HDAC9: variants seen among roughly 807,000 people sequenced by gnomAD.
HDAC9 encodes the protein MEF-2 interacting transcription repressor (MITR) protein.
Under a neutral mutation model 139.4 loss-of-function variants are expected in HDAC9, and 41 were observed. The ratio of observed to expected loss-of-function variants is 0.29; its 90% CI spans 0.23 to 0.38. HDAC9 has a LOEUF of 0.38. HDAC9 is among the 10% of genes least tolerant of loss of function. HDAC9 has a pLI of 1.00. For missense variants in HDAC9, 1,147 were observed against 1,297.0 expected (o/e 0.88, Z 1.78); for synonymous variants, 517 against 476.2 (o/e 1.09, Z -1.12).
intron 13 of HDAC9, among the ~76,000 whole-genome samples, chr7:18,743,373 A>G (rs1475461056): frequency 6.6e-6 from 1 of 152,224 alleles, no homozygotes; most frequent in Non-Finnish European, 1.5e-5. Context: ...GACAAACACA[A>G]AGCTGTAAGG....
chr7:18,519,321 CTA>C (rs952260312), intron 2 of HDAC9, among the ~76,000 whole-genome samples: 8 of 152,242 alleles, frequency 5.3e-5, no homozygotes, highest in African/African-American at 1.9e-4. Flanking sequence ...AATTATGACA[CTA>C]TTTTTTATTA....
At chr7:18,754,831 T>TA (rs1788742708) in intron 14 of HDAC9, among the ~76,000 whole-genome samples, 1 of 152,094 alleles carries the variant, frequency 6.6e-6, no homozygotes, top group Admixed American at 6.6e-5. Flanking sequence ...TAGGTGACTG[T>TA]AAAATACCTC....
At chr7:18,799,038 AAGACAC>A (rs1360916310) in intron 17 of HDAC9, among the ~76,000 whole-genome samples, 20,870 of 143,372 alleles carry the variant, frequency 0.15, 1,899 homozygotes, top group African/African-American at 0.21. Context: ...AATGTGCCCT[AAGACAC>A]ACACACACAC....
intron 2 of HDAC9, among the ~76,000 whole-genome samples, chr7:18,210,546 AACCAGTT>A (rs1791865714): frequency 6.6e-6 from 1 of 152,206 alleles, no homozygotes; most frequent in Non-Finnish European, 1.5e-5. Context: ...CCTATTTTAA[AACCAGTT>A]ACTTCCTTTT....
intron 1 of HDAC9, among the ~76,000 whole-genome samples, chr7:18,126,741 G>T (rs1784697198): frequency 6.6e-6 from 1 of 152,120 alleles, no homozygotes; most frequent in Non-Finnish European, 1.5e-5. Context: ...ATTTCTGAGA[G>T]TGAGGGGTTT....
In HDAC9 at chr7:18,719,331, CTTTTTTTTTT is replaced by C. The variant is rs757689693; in HGVS notation, c.1732-8232_1732-8223del. Among the ~76,000 whole-genome samples, 502 of 73,920 alleles carry C rather than the reference CTTTTTTTTTT, an allele frequency of 6.8e-3. 3 individuals are homozygous for C. Among genetic ancestry groups the C allele is most frequent in the Admixed American group, 0.01 (64 of 6,300 alleles). The allele number at this position is 73,920 out of a possible 152,430, so 48.5% of individuals were successfully genotyped here. Reference sequence around the variant, plus strand: ...CTAATTAACCTATTTTTTTCTCTTCCTTTTTTTTTTTTTTTTTTTTTTTTTTGAGATGGAG... The same window carrying C: ...CTAATTAACCTATTTTTTTCTCTTCCTTTTTTTTTTTTTTTTGAGATGGAG... On this transcript the variant is annotated intron_variant, in intron 12 of 25. Transcript: ENST00000686413.
At chr7:18,734,099 A>T (rs2129136735) in intron 13 of HDAC9, among the ~76,000 whole-genome samples, 1 of 152,216 alleles carries the variant, frequency 6.6e-6, no homozygotes, top group South Asian at 2.1e-4. Flanking sequence ...GCAATCCTGA[A>T]TTGAGTAAGT....
At chr7:18,149,589 C>A (rs1030884656) in intron 1 of HDAC9, among the ~76,000 whole-genome samples, 1 of 151,880 alleles carries the variant, frequency 6.6e-6, no homozygotes, top group South Asian at 2.1e-4. Flanking sequence ...CTCAGTCTGT[C>A]GCCCAGGCTG....
rs532338701 is a variant in HDAC9 at position 18,238,726 on chromosome 7, G to A, written c.25+76377G>A. ...GGAAGCCAGGATTAAGTAGCACAAAGACAAAGATGAGTGAGCTGATGAAAT... is the reference window on the plus strand; with the variant it reads ...GGAAGCCAGGATTAAGTAGCACAAAAACAAAGATGAGTGAGCTGATGAAAT... On this transcript the variant is annotated intron_variant, in intron 2 of 12. Coordinates refer to the HDAC9 transcript ENST00000417496. 6.6e-5 allele frequency among the ~76,000 whole-genome samples: 10 copies of A among 152,320 alleles called. No homozygotes were observed. In the South Asian group the frequency reaches 2.1e-3, roughly 32 times the overall value.
chr7:18,259,037 T>C (rs1453831707), intron 2 of HDAC9, among the ~76,000 whole-genome samples: 1 of 144,794 alleles, frequency 6.9e-6, no homozygotes, highest in African/African-American at 2.5e-5. Context: ...TGGCATGATC[T>C]TGGCTCCCTG....
intron 1 of HDAC9, among the ~76,000 whole-genome samples, chr7:18,344,964 A>T (rs1472851137): frequency 6.6e-6 from 1 of 152,074 alleles, no homozygotes. Context: ...GTCATTCCAC[A>T]GAGAGCTTGC....
chr7:18,934,157 T>C (rs549175937), intron 22 of HDAC9, among the ~76,000 whole-genome samples: 2 of 152,124 alleles, frequency 1.3e-5, no homozygotes, highest in East Asian at 1.9e-4. Context: ...CTTAGGACGA[T>C]ATAGAAAGCA....
chr7:18,443,620 T>C (rs1791996986), intron 1 of HDAC9, among the ~76,000 whole-genome samples: 1 of 152,150 alleles, frequency 6.6e-6, no homozygotes, highest in African/African-American at 2.4e-5. Flanking sequence ...CCTCAAGACA[T>C]CTTATATATG....
At chr7:18,410,637 C>G (rs1788454847) in intron 1 of HDAC9, among the ~76,000 whole-genome samples, 1 of 151,942 alleles carries the variant, frequency 6.6e-6, no homozygotes, top group African/African-American at 2.4e-5. Flanking sequence ...TTTTTAAAAT[C>G]TCATTTTAAA....
At chr7:18,250,520 A>G (rs1016708728) in intron 2 of HDAC9, among the ~76,000 whole-genome samples, 2 of 152,170 alleles carry the variant, frequency 1.3e-5, no homozygotes, top group African/African-American at 4.8e-5. Context: ...ATTCCTTGGT[A>G]GTCTATCACC....
intron 2 of HDAC9, among the ~76,000 whole-genome samples, chr7:18,179,928 C>T (rs191120617): frequency 6.6e-6 from 1 of 152,122 alleles, no homozygotes; most frequent in Non-Finnish European, 1.5e-5. Flanking sequence ...TGACCTGTAA[C>T]TATCCTTTTT....
chr7:18,815,229 A>G (rs576503799), intron 17 of HDAC9, among the ~76,000 whole-genome samples: 26 of 152,042 alleles, frequency 1.7e-4, no homozygotes, highest in Non-Finnish European at 3.5e-4. Flanking sequence ...GAAGTTTTGC[A>G]TACTTGGGCC....
chr7:18,484,344 A>C lies in HDAC9; in HGVS notation c.-41-11918A>C, dbSNP rs570344532. On this transcript the variant is annotated intron_variant, in intron 1 of 3. Transcript: ENST00000413509. The stretch of plus-strand genomic sequence containing the variant: ...AGCAAGATCCTATTAAAAAAAAAAA[A>C]AGTAAATGTCTATAGGTATTGAAAT... Among the ~76,000 whole-genome samples the C allele has an allele frequency of 2.6e-4, 40 of 152,096 alleles. 1 individual carries two copies. The South Asian group carries it at 8.1e-3, about 31-fold the overall frequency.
chr7:18,828,717 C>T (rs1795638521), intron 17 of HDAC9, among the ~76,000 whole-genome samples: 1 of 152,116 alleles, frequency 6.6e-6, no homozygotes, highest in African/African-American at 2.4e-5. Flanking sequence ...TGTAAATAAC[C>T]ATCAAGGAGA....
Sources: allele counts gnomAD v4.1 joint callset (sites outside exome capture counted in the v4.1 genomes callset), GRCh38; gene constraint gnomAD v4.1.1; transcripts MANE v1.5; gene names NCBI Gene and HGNC (gene_info 2026-07-23, HGNC 2026-07-21).